CFAP70: variants seen among roughly 807,000 people sequenced by gnomAD.
CFAP70 encodes the protein cilia and flagella associated protein 70.
A neutral mutation model predicts 137.6 loss-of-function variants in CFAP70; 81 were observed. That is an observed-to-expected ratio of 0.59 (90% CI 0.49 to 0.71). The LOEUF is 0.71. Among genes scored for constraint, CFAP70 ranks in the 30% least tolerant of loss-of-function variants. The probability of loss-of-function intolerance (pLI) is 0.00; values close to 1 mark genes in which losing one functional copy is unlikely to be tolerated. For synonymous variants in CFAP70, 382 were observed against 423.6 expected (o/e 0.90, Z 1.20); for missense variants, 976 against 1,226.7 (o/e 0.80, Z 3.05).
rs75021599 is a variant in CFAP70, at chr10:73,273,794, C to T, written c.2835+639G>A. Among the ~76,000 whole-genome samples the T allele has an allele frequency of 1.6e-3, 243 of 152,100 alleles. 6 individuals are homozygous for T. In the East Asian group the frequency reaches 0.041, roughly 26 times the overall value. Reference sequence around the variant, plus strand: ...ATAAAAAGACAACTGGGTGTTCTGACGGGAAAAATAGAATAAAGTCAAAAC... The same window carrying T: ...ATAAAAAGACAACTGGGTGTTCTGATGGGAAAAATAGAATAAAGTCAAAAC... On this transcript the variant is annotated intron_variant, in intron 23 of 26. Transcript: ENST00000310715.
chr10:73,254,082 GAT>G (rs1372726696), intron 26 of CFAP70, 27 bp from the exon 28 acceptor site: 20 of 1,572,748 alleles, frequency 1.3e-5, no homozygotes, highest in Non-Finnish European at 8.7e-6. Flanking sequence ...GAAAGGGAAA[GAT>G]ATATGTCATA....
chr10:73,254,735 C>T (rs2044297836), intron 26 of CFAP70, among the ~76,000 whole-genome samples: 1 of 151,976 alleles, frequency 6.6e-6, no homozygotes, highest in Admixed American at 6.6e-5. Flanking sequence ...TTTCCTTTTC[C>T]CCTTATTGTT....
chr10:73,316,502 A>ATATATC (rs1362401162), intron 9 of CFAP70, among the ~76,000 whole-genome samples: 1 of 139,002 alleles, frequency 7.2e-6, no homozygotes, highest in East Asian at 2.2e-4. Context: ...ATATATATAT[A>ATATATC]TATATATATA....
intron 19 of CFAP70, among the ~76,000 whole-genome samples, chr10:73,285,835 CT>C (rs896905447): frequency 2.0e-5 from 3 of 151,806 alleles, no homozygotes; most frequent in African/African-American, 7.3e-5. Context: ...GGGTTTCACC[CT>C]GTTGGCCAGT....
At chr10:73,319,956 T>C (rs1382609512) in intron 9 of CFAP70, among the ~76,000 whole-genome samples, 1 of 152,206 alleles carries the variant, frequency 6.6e-6, no homozygotes, top group Non-Finnish European at 1.5e-5. Context: ...AAGAAAAAGT[T>C]TGTTATTCTT....
In CFAP70 at chr10:73,354,837, T is replaced by C. The variant is rs2054543818; in HGVS notation, c.-39-2A>G. On this transcript the variant is annotated splice_acceptor_variant, in intron 1 of 26. Transcript: ENST00000310715. LOFTEE classifies it low-confidence loss of function (5UTR_SPLICE). ...AAGTCCCTCTGTTTTCTTTGGTCTC[T>C]GTAAACAGAATGAATCAACCTGTCC... 1 of 1,574,568 alleles carries C rather than the reference T, an allele frequency of 6.4e-7. No homozygotes were observed. Among genetic ancestry groups the C allele is most frequent in the Non-Finnish European group, 8.7e-7 (1 of 1,144,832 alleles).
At chr10:73,343,944 T>C (rs2053491673) in intron 5 of CFAP70, among the ~76,000 whole-genome samples, 1 of 151,674 alleles carries the variant, frequency 6.6e-6, no homozygotes, top group Non-Finnish European at 1.5e-5. Context: ...GAAAATATTA[T>C]TTTTCTCTAC....
chr10:73,293,712 T>G, intron 15 of CFAP70: 1 of 184,192 alleles, frequency 5.4e-6, no homozygotes, highest in Non-Finnish European at 1.1e-5. Flanking sequence ...CTCAAACAGC[T>G]TCCTTCATTT....
At chr10:73,350,095 T>C (rs1300498780) in intron 3 of CFAP70, among the ~76,000 whole-genome samples, 2 of 152,192 alleles carry the variant, frequency 1.3e-5, no homozygotes, top group Admixed American at 6.5e-5. Flanking sequence ...TTGCATTTGG[T>C]TGTCATGTTT....
At chr10:73,355,135 C>T (rs1438358830) in intron 1 of CFAP70, among the ~76,000 whole-genome samples, 8 of 152,126 alleles carry the variant, frequency 5.3e-5, no homozygotes, top group Non-Finnish European at 8.8e-5. Flanking sequence ...GTCCCCACCC[C>T]GAACCATGAA....
intron 8 of CFAP70, among the ~76,000 whole-genome samples, chr10:73,326,288 C>T (rs570989961): frequency 2.0e-3 from 297 of 149,604 alleles, no homozygotes; most frequent in African/African-American, 7.0e-3. Flanking sequence ...TTGAAACCAA[C>T]GAGAACAAAG....
At chr10:73,325,271 C>G (rs1002098776) in intron 8 of CFAP70, among the ~76,000 whole-genome samples, 3 of 152,034 alleles carry the variant, frequency 2.0e-5, no homozygotes, top group African/African-American at 7.2e-5. Context: ...AAATACTTTA[C>G]AGACAAGCAA....
chr10:73,277,755 G>A (rs554703639), intron 20 of CFAP70, among the ~76,000 whole-genome samples: 16 of 152,130 alleles, frequency 1.1e-4, no homozygotes, highest in African/African-American at 3.9e-4. Context: ...GGCAGGGAGA[G>A]TCTTCTTATC....
intron 8 of CFAP70, among the ~76,000 whole-genome samples, chr10:73,325,727 A>G (rs2051349951): frequency 6.6e-6 from 1 of 152,232 alleles, no homozygotes; most frequent in South Asian, 2.1e-4. Flanking sequence ...ACAAAGATCA[A>G]AAGAGACAAA....
chr10:73,350,976 T>A (rs1195487634), intron 3 of CFAP70, among the ~76,000 whole-genome samples: 2 of 148,902 alleles, frequency 1.3e-5, no homozygotes, highest in African/African-American at 5.0e-5. Context: ...TATATGTATG[T>A]GTGTGTGTAT....
intron 23 of CFAP70, among the ~76,000 whole-genome samples, chr10:73,273,939 AAAAG>A (rs1189239769): frequency 2.0e-5 from 3 of 152,212 alleles, no homozygotes; most frequent in Non-Finnish European, 2.9e-5. Flanking sequence ...AATTTTCCAT[AAAAG>A]AAAGGTTTTG....
chr10:73,300,349 A>T (rs1369612451), intron 12 of CFAP70, among the ~76,000 whole-genome samples: 2 of 152,150 alleles, frequency 1.3e-5, no homozygotes, highest in East Asian at 1.9e-4. Flanking sequence ...TGAAGTCCAC[A>T]ATCAAACTCA....
chr10:73,261,042 G>A (rs1048804351), intron 25 of CFAP70, among the ~76,000 whole-genome samples: 6 of 151,970 alleles, frequency 3.9e-5, no homozygotes, highest in African/African-American at 1.5e-4. Context: ...TTTCCAAAGT[G>A]GTTGTACCAA....
intron 7 of CFAP70, 21 bp from the exon 9 acceptor site, chr10:73,331,297 C>G (rs1490727931): frequency 6.3e-7 from 1 of 1,591,916 alleles, no homozygotes; most frequent in African/African-American, 1.3e-5. Context: ...AGAATCAGTC[C>G]ATTAGCATTA....
Sources: gnomAD v4.1 joint callset for allele counts (sites outside exome capture counted in the v4.1 genomes callset) on GRCh38, gnomAD v4.1.1 for gene constraint, MANE v1.5 for transcripts, NCBI Gene and HGNC (gene_info 2026-07-23, HGNC 2026-07-21) for gene names.